HDAC4: variants seen among roughly 807,000 people sequenced by gnomAD.
HDAC4 encodes the protein histone deacetylase A.
Under a neutral mutation model 135.1 loss-of-function variants are expected in HDAC4, and 16 were observed. The ratio of observed to expected loss-of-function variants is 0.12; its 90% CI spans 0.08 to 0.18. The LOEUF (loss-of-function observed/expected upper bound fraction) is 0.18. Among genes scored for constraint, HDAC4 ranks in the 10% least tolerant of loss-of-function variants. HDAC4 has a pLI of 1.00. For missense variants in HDAC4, 1,143 were observed against 1,511.8 expected, an observed-to-expected ratio of 0.76 and a Z score of 4.05; for synonymous variants, 685 against 653.4, an observed-to-expected ratio of 1.05 and a Z score of -0.74.
At chr2:239,362,065 CA>C (rs1212989862) in intron 1 of HDAC4, among the ~76,000 whole-genome samples, 2 of 152,192 alleles carry the variant, frequency 1.3e-5, no homozygotes, top group Admixed American at 1.3e-4. Flanking sequence ...CTTTCAAACA[CA>C]ATGCCTTTTA....
chr2:239,349,188 G>A lies in HDAC4; in HGVS notation c.22+3490C>T, dbSNP rs1005186277. On this transcript the variant is annotated intron_variant, in intron 2 of 26. Coordinates refer to ENST00000543185, the MANE Select transcript of HDAC4 (RefSeq NM_001378414.1). This position sits in a 1 kb window ranked among gnomAD's most constrained non-coding sequence, Gnocchi z 5.7. ...TGAGCCAGGCAGGCAAGAGTGAGCC[G>A]GGTGGGCAGGGCGAAGGACAGGGCC... 1.3e-5 allele frequency among the ~76,000 whole-genome samples: 2 copies of A among 152,160 alleles called. No individual in the cohort carries two copies. The highest frequency in any genetic ancestry group is 1.3e-4 in the Admixed American group (2 of 15,286).
At chr2:239,149,247 A>G (rs1294021777) in intron 7 of HDAC4, among the ~76,000 whole-genome samples, 1 of 152,030 alleles carries the variant, frequency 6.6e-6, no homozygotes, top group Non-Finnish European at 1.5e-5. Context: ...CTAAAAATAC[A>G]AAAATTAGCC....
At chr2:239,109,886 A>C (rs769191274) in intron 14 of HDAC4, among the ~76,000 whole-genome samples, 2 of 152,220 alleles carry the variant, frequency 1.3e-5, no homozygotes, top group Non-Finnish European at 2.9e-5. Flanking sequence ...ACACGGCTGG[A>C]ACTTACGAGG....
chr2:239,330,423 G>A (rs1691492150), intron 2 of HDAC4, among the ~76,000 whole-genome samples: 2 of 152,240 alleles, frequency 1.3e-5, no homozygotes, highest in Admixed American at 6.5e-5. Flanking sequence ...TGGCAATCAG[G>A]ACTGCAAGAG....
At chr2:239,150,584 T>C (rs2042056188) in intron 7 of HDAC4, among the ~76,000 whole-genome samples, 1 of 151,204 alleles carries the variant, frequency 6.6e-6, no homozygotes, top group Non-Finnish European at 1.5e-5. Context: ...CACCTTCACA[T>C]ACAGCAGCAG....
chr2:239,351,461 C>T (rs2125918652), intron 2 of HDAC4, among the ~76,000 whole-genome samples: 1 of 152,344 alleles, frequency 6.6e-6, no homozygotes, highest in Non-Finnish European at 1.5e-5. Flanking sequence ...TACACTCTCA[C>T]CCAACAGCAG....
chr2:239,274,354 T>C (rs1173644180), intron 2 of HDAC4, among the ~76,000 whole-genome samples: 2 of 152,086 alleles, frequency 1.3e-5, no homozygotes, highest in Non-Finnish European at 2.9e-5. Flanking sequence ...AAGAGTCACA[T>C]ATAAACACAC....
At chr2:239,113,184 A>T (rs1247449342) in intron 13 of HDAC4, among the ~76,000 whole-genome samples, 1 of 152,230 alleles carries the variant, frequency 6.6e-6, no homozygotes, top group Non-Finnish European at 1.5e-5. Flanking sequence ...CAGGAGGCGG[A>T]GGCTGTAGTG....
intron 3 of HDAC4, among the ~76,000 whole-genome samples, chr2:239,215,594 C>G (rs1218771730): frequency 3.3e-5 from 5 of 152,180 alleles, no homozygotes; most frequent in African/African-American, 4.8e-5. Context: ...TCTCTCTTCT[C>G]TGGTCAACAA....
intron 5 of HDAC4, among the ~76,000 whole-genome samples, chr2:239,170,410 T>A (rs769932892): frequency 3.3e-5 from 5 of 152,196 alleles, no homozygotes; most frequent in Non-Finnish European, 4.4e-5. Context: ...TGAACAAAAA[T>A]GTCCTATTTG....
At chr2:239,224,127 G>A (rs1039416618) in intron 3 of HDAC4, among the ~76,000 whole-genome samples, 1 of 152,176 alleles carries the variant, frequency 6.6e-6, no homozygotes, top group Non-Finnish European at 1.5e-5. Flanking sequence ...AACTCCATCA[G>A]CAGTGCTTAA....
At chr2:239,219,411 T>C (rs544183042) in intron 3 of HDAC4, among the ~76,000 whole-genome samples, 20 of 151,460 alleles carry the variant, frequency 1.3e-4, no homozygotes, top group Non-Finnish European at 2.2e-4. Flanking sequence ...TAGGTAGGAA[T>C]TGAACATTGA....
chr2:239,129,745 T>A (rs551764614), intron 11 of HDAC4, among the ~76,000 whole-genome samples: 21 of 152,260 alleles, frequency 1.4e-4, no homozygotes, highest in African/African-American at 4.6e-4. Flanking sequence ...GTCCATACTC[T>A]AACACACAAT....
intron 2 of HDAC4, among the ~76,000 whole-genome samples, chr2:239,319,504 A>G (rs1291201191): frequency 6.6e-6 from 1 of 152,268 alleles, no homozygotes; most frequent in Admixed American, 6.5e-5. Context: ...CACTGGCACT[A>G]GGTCTAAGAC....
At chr2:239,316,728 T>C (rs2053128686) in intron 2 of HDAC4, among the ~76,000 whole-genome samples, 1 of 152,144 alleles carries the variant, frequency 6.6e-6, no homozygotes, top group African/African-American at 2.4e-5. Flanking sequence ...TAGGACATTC[T>C]TTCCGTGCAA....
intron 2 of HDAC4, among the ~76,000 whole-genome samples, chr2:239,275,663 C>T (rs2050316104): frequency 6.6e-6 from 1 of 152,134 alleles, no homozygotes; most frequent in Non-Finnish European, 1.5e-5. Flanking sequence ...GTACTGCCAC[C>T]CTGCGACTCC....
chr2:239,050,934 A>G lies in HDAC4; in HGVS notation c.*2163T>C, dbSNP rs559982062. Reference sequence around the variant, plus strand: ...GGGTTCCTTGCAGCCACAGGCTCCAAAATCCAGGGCTGGCCACGTGGCTGC... The same window carrying G: ...GGGTTCCTTGCAGCCACAGGCTCCAGAATCCAGGGCTGGCCACGTGGCTGC... On this transcript the variant is annotated 3_prime_UTR_variant, in exon 27 of 27. Transcript: ENST00000543185. 4 of 152,740 alleles carry G rather than the reference A, an allele frequency of 2.6e-5. No homozygotes were observed. Among genetic ancestry groups the G allele is most frequent in the East Asian group, 3.8e-4 (2 of 5,196 alleles). 9.5% of individuals were successfully genotyped at this position (152,740 alleles called of 1,614,324 possible).
At chr2:239,084,356 T>G (rs2035654842) in intron 19 of HDAC4, 114 bp from the exon 20 acceptor site, 1 of 737,660 alleles carries the variant, frequency 1.4e-6, no homozygotes, top group African/African-American at 1.7e-5. Flanking sequence ...TCTCTGTGAG[T>G]GCAGAGCTCC....
At chr2:239,271,056 G>A (rs1178620979) in intron 2 of HDAC4, among the ~76,000 whole-genome samples, 3 of 152,204 alleles carry the variant, frequency 2.0e-5, no homozygotes, top group Admixed American at 6.5e-5. Context: ...TTAATTTGGA[G>A]CTGAAGGAAA....
Sources: allele counts gnomAD v4.1 joint callset (sites outside exome capture counted in the v4.1 genomes callset), GRCh38; gene constraint gnomAD v4.1.1; non-coding constraint Gnocchi (gnomAD v3.1); transcripts MANE v1.5; gene names NCBI Gene and HGNC (gene_info 2026-07-23, HGNC 2026-07-21).